Variants in LRRIQ1 observed in about 807,000 individuals in gnomAD.
The protein encoded by LRRIQ1 is leucine rich repeats and IQ motif containing 1, also known as leucine-rich repeat- and IQ domain-containing protein 1.
Under a neutral mutation model 211.9 loss-of-function variants are expected in LRRIQ1, and 210 were observed. The ratio of observed to expected loss-of-function variants is 0.99; its 90% CI spans 0.89 to 1.11. The LOEUF (loss-of-function observed/expected upper bound fraction) is 1.11. Among genes scored for constraint, LRRIQ1 ranks in the 50% most tolerant of loss-of-function variants. The probability of loss-of-function intolerance (pLI) is 0.00; values close to 1 mark genes in which losing one functional copy is unlikely to be tolerated. For synonymous variants in LRRIQ1, 699 were observed against 650.1 expected (o/e 1.08, Z -1.14); for missense variants, 2,136 against 1,939.5 (o/e 1.10, Z -1.90).
At chr12:85,210,100 A>G (rs1168758392) in intron 24 of LRRIQ1, among the ~76,000 whole-genome samples, 3 of 152,174 alleles carry the variant, frequency 2.0e-5, no homozygotes, top group Non-Finnish European at 4.4e-5. Flanking sequence ...ATAGTTTTTC[A>G]TATTTGTTCC....
exon 2 of LRRIQ1, chr12:85,264,194 CT>C (rs2137347796): frequency 6.6e-6 from 1 of 152,112 alleles, no homozygotes; most frequent in African/African-American, 2.4e-5. Context: ...CTATAAATCT[CT>C]TTTAACTTGA....
At position 85,055,566 on chromosome 12, in the gene LRRIQ1, A is replaced by G. The variant is rs1880900876; in HGVS notation, c.773A>G (p.His258Arg). Residue 258 changes from histidine (H) to arginine (R), a missense_variant, in exon 8 of 27, where the codon CAT (histidine) becomes CGT (arginine). Physicochemically the swap from His to Arg is conservative, Grantham distance 29. Coordinates refer to ENST00000393217, the MANE Select transcript of LRRIQ1 (RefSeq NM_001079910.2). ...KQHEEYIRNL[H>R]LQMEEERTRF... ...TTTTAGGAGTATATTAGAAACTTGC[A>G]TTTACAAATGGAAGAAGAAAGAACA... is the stretch of plus-strand genomic sequence containing the variant. The G allele has an allele frequency of 6.5e-7, 1 of 1,538,580 alleles. No homozygotes were observed. The highest frequency in any genetic ancestry group is 8.7e-7 in the Non-Finnish European group (1 of 1,150,342).
At chr12:85,163,595 A>C (rs1891008256) in intron 24 of LRRIQ1, among the ~76,000 whole-genome samples, 1 of 152,138 alleles carries the variant, frequency 6.6e-6, no homozygotes, top group Non-Finnish European at 1.5e-5. Context: ...AATGTTGACT[A>C]TATGGGGTTT....
At chr12:85,131,938 A>G (rs1181068863) in intron 18 of LRRIQ1, among the ~76,000 whole-genome samples, 1 of 152,202 alleles carries the variant, frequency 6.6e-6, no homozygotes, top group Admixed American at 6.5e-5. Context: ...ACATGTTTAC[A>G]TGACCATTAT....
At chr12:85,258,753 A>C (rs540866351) in intron 1 of LRRIQ1, among the ~76,000 whole-genome samples, 1 of 152,048 alleles carries the variant, frequency 6.6e-6, no homozygotes, top group Non-Finnish European at 1.5e-5. Context: ...TTTATGCTGT[A>C]TCTGCTGTTA....
chr12:85,053,689 C>T (rs1225573379), intron 7 of LRRIQ1, among the ~76,000 whole-genome samples: 1 of 152,104 alleles, frequency 6.6e-6, no homozygotes, highest in African/African-American at 2.4e-5. Context: ...TCTTTGTTTG[C>T]ATATTTGAAA....
intron 1 of LRRIQ1, among the ~76,000 whole-genome samples, chr12:85,256,322 C>A (rs961153710): frequency 1.3e-5 from 2 of 151,550 alleles, no homozygotes; most frequent in Non-Finnish European, 3.0e-5. Flanking sequence ...TATTTTAGTT[C>A]TTATCCATTT....
At chr12:85,097,026 C>G (rs979588059) in intron 11 of LRRIQ1, among the ~76,000 whole-genome samples, 1 of 152,118 alleles carries the variant, frequency 6.6e-6, no homozygotes, top group Non-Finnish European at 1.5e-5. Context: ...TTCATGAACC[C>G]TTTACTTTGA....
At chr12:85,236,734 A>G (rs1426336993) in intron 26 of LRRIQ1, among the ~76,000 whole-genome samples, 4 of 150,364 alleles carry the variant, frequency 2.7e-5, no homozygotes, top group African/African-American at 9.8e-5. Context: ...ATATTTTTGG[A>G]TACATATATA....
chr12:85,208,039 T>C (rs985788417), intron 24 of LRRIQ1, among the ~76,000 whole-genome samples: 12 of 152,060 alleles, frequency 7.9e-5, no homozygotes, highest in African/African-American at 2.9e-4. Context: ...AATTTATGTT[T>C]TTAGTTGACA....
intron 19 of LRRIQ1, among the ~76,000 whole-genome samples, chr12:85,148,223 A>G (rs1471154700): frequency 1.3e-5 from 2 of 151,632 alleles, no homozygotes; most frequent in Non-Finnish European, 2.9e-5. Context: ...CAGAACATGC[A>G]GATTTGTTAC....
At chr12:85,064,277 A>G (rs1054200467) in intron 8 of LRRIQ1, among the ~76,000 whole-genome samples, 3 of 151,928 alleles carry the variant, frequency 2.0e-5, no homozygotes, top group African/African-American at 7.2e-5. Flanking sequence ...ATGATCAGTG[A>G]TAATAAGCAT....
intron 14 of LRRIQ1, among the ~76,000 whole-genome samples, chr12:85,105,677 A>G (rs780690949): frequency 1.4e-4 from 22 of 151,940 alleles, no homozygotes; most frequent in Non-Finnish European, 3.1e-4. Context: ...TTAAAGGATG[A>G]TAAGTTTTAT....
intron 5 of LRRIQ1, 115 bp downstream of exon 5, chr12:85,046,252 G>T: frequency 1.6e-6 from 1 of 612,614 alleles, no homozygotes; most frequent in South Asian, 2.6e-5. Flanking sequence ...CAATTACAAT[G>T]TTTGAAGATT....
At chr12:85,234,868 T>G (rs1895104075) in intron 26 of LRRIQ1, among the ~76,000 whole-genome samples, 1 of 152,168 alleles carries the variant, frequency 6.6e-6, no homozygotes, top group Admixed American at 6.5e-5. Context: ...AATAAAACAT[T>G]TCATTTATAT....
chr12:85,037,854 T>C lies in LRRIQ1; in HGVS notation c.-24-299T>C, dbSNP rs1878348130. The stretch of plus-strand genomic sequence containing the variant: ...TCATGCATACATACCTACATTTATA[T>C]GTATTAATAACTGAAACAAAAATTT... On this transcript the variant is annotated intron_variant, in intron 1 of 26. Coordinates refer to ENST00000393217, the MANE Select transcript of LRRIQ1 (RefSeq NM_001079910.2). Among the ~76,000 whole-genome samples, 4 of 152,058 alleles carry C rather than the reference T, an allele frequency of 2.6e-5. No individual in the cohort carries two copies. In the South Asian group the frequency reaches 8.3e-4, roughly 31 times the overall value.
chr12:85,090,205 T>C (rs1885237523), intron 11 of LRRIQ1, among the ~76,000 whole-genome samples: 1 of 152,166 alleles, frequency 6.6e-6, no homozygotes, highest in Non-Finnish European at 1.5e-5. Context: ...TCTGCCTAGG[T>C]ATCAGAGGAT....
At chr12:85,124,008 C>T (rs950217159) in intron 16 of LRRIQ1, 62 bp from the exon 17 acceptor site, 8 of 1,283,708 alleles carry the variant, frequency 6.2e-6, no homozygotes, top group South Asian at 4.1e-5. Flanking sequence ...TCAAAACTTG[C>T]ACAAGTTTTA....
Position 85,065,271 on chromosome 12 carries a change from G to A in LRRIQ1, c.2401G>A (p.Val801Ile). Residue 801 changes from valine (V) to isoleucine (I), a missense_variant, in exon 9 of 27, where the codon GTT becomes ATT. Physicochemically the swap from Val to Ile is conservative, Grantham distance 29 (BLOSUM62 3). Coordinates refer to ENST00000393217, the MANE Select transcript of LRRIQ1 (RefSeq NM_001079910.2). ...TTCTTGGTTCCTCTAGGTTACAACA[G>A]TTACATTTCAAGATTTGCCAGGCTG... ...PWDTLQQVTT[V>I]TFQDLPGCVL... is the part of the protein sequence containing the mutation. The A allele has an allele frequency of 6.2e-7, 1 of 1,607,384 alleles. No homozygotes were observed. The highest frequency in any genetic ancestry group is 8.5e-7 in the Non-Finnish European group (1 of 1,176,312).
Sources: gnomAD v4.1 joint callset for allele counts (sites outside exome capture counted in the v4.1 genomes callset) on GRCh38, gnomAD v4.1.1 for gene constraint, MANE v1.5 for transcripts, NCBI Gene and HGNC (gene_info 2026-07-23, HGNC 2026-07-21) for gene names.